PPP2R2C: variants seen among roughly 807,000 people sequenced by gnomAD.
PPP2R2C encodes protein phosphatase 2, regulatory subunit B, gamma.
Under a neutral mutation model 45.3 loss-of-function variants are expected in PPP2R2C, and 10 were observed. The ratio of observed to expected loss-of-function variants is 0.22; its 90% CI spans 0.14 to 0.37. PPP2R2C has a LOEUF of 0.37. Ranked by LOEUF, PPP2R2C falls within the 10% of genes least tolerant of loss-of-function variation. PPP2R2C has a pLI of 1.00. For missense variants in PPP2R2C, 308 were observed against 619.7 expected, an observed-to-expected ratio of 0.50 and a Z score of 5.34; for synonymous variants, 257 against 245.4, an observed-to-expected ratio of 1.05 and a Z score of -0.44.
At chr4:6,350,406 T>A in intron 5 of PPP2R2C, 3 of 985,382 alleles carry the variant, frequency 3.0e-6, no homozygotes, top group Non-Finnish European at 3.6e-6. Flanking sequence ...CCATGGATAA[T>A]GTGCAGTAGA....
chr4:6,493,628 G>A (rs1722781393), intron 2 of PPP2R2C, among the ~76,000 whole-genome samples: 1 of 151,494 alleles, frequency 6.6e-6, no homozygotes. Context: ...ATTTATGCCA[G>A]TGCCTTCCTG....
At chr4:6,427,274 G>C (rs1719381231) in intron 1 of PPP2R2C, among the ~76,000 whole-genome samples, 1 of 152,214 alleles carries the variant, frequency 6.6e-6, no homozygotes. Flanking sequence ...GGAGAATGAA[G>C]GACAGTTTAA....
chr4:6,449,341 G>C (rs10014119), intron 1 of PPP2R2C, among the ~76,000 whole-genome samples: 32,306 of 152,180 alleles, frequency 0.21, 3,618 homozygotes, highest in East Asian at 0.42. Flanking sequence ...GAGAACAGGC[G>C]CGTCTCTAAG....
chr4:6,534,379 A>G (rs1486471424), intron 2 of PPP2R2C, among the ~76,000 whole-genome samples: 1 of 147,240 alleles, frequency 6.8e-6, no homozygotes, highest in African/African-American at 2.5e-5. Context: ...AACACACACC[A>G]ACATACACAC....
chr4:6,406,251 G>A (rs1312067684), intron 1 of PPP2R2C, among the ~76,000 whole-genome samples: 2 of 152,192 alleles, frequency 1.3e-5, no homozygotes, highest in Non-Finnish European at 2.9e-5. Flanking sequence ...CAGCCAAAGG[G>A]ATCTAAACCC....
chr4:6,378,194 A>T lies in PPP2R2C; in HGVS notation c.334+213T>A, dbSNP rs1715496496. Among the ~76,000 whole-genome samples the T allele has an allele frequency of 6.6e-6, 1 of 151,242 alleles. No homozygotes were observed. The highest frequency in any genetic ancestry group is 6.6e-5 in the Admixed American group (1 of 15,238). On this transcript the variant is annotated intron_variant, in intron 3 of 8. Coordinates refer to ENST00000382599, the MANE Select transcript of PPP2R2C (RefSeq NM_020416.4). This position sits in a 1 kb window ranked among gnomAD's most constrained non-coding sequence, Gnocchi z 5.2. ...TCATGGGATTTACATGCTGCTCAAA[A>T]AGGGGGGCAGCCCTGTGTCCAGACA...
At chr4:6,402,685 C>A (rs780286985) in intron 1 of PPP2R2C, among the ~76,000 whole-genome samples, 1 of 152,116 alleles carries the variant, frequency 6.6e-6, no homozygotes, top group Non-Finnish European at 1.5e-5. Flanking sequence ...GCCAGGGCTG[C>A]GATGGAGGGA....
chr4:6,472,262 CG>C lies in PPP2R2C; in HGVS notation c.-34del. 2 of 1,611,436 alleles carry C rather than the reference CG, an allele frequency of 1.2e-6. No individual in the cohort carries two copies. Among genetic ancestry groups the C allele is most frequent in the Non-Finnish European group, 1.7e-6 (2 of 1,178,666 alleles). On this transcript the variant is annotated 5_prime_UTR_variant, in exon 1 of 9. Coordinates refer to ENST00000382599, the MANE Select transcript of PPP2R2C (RefSeq NM_020416.4). The stretch of plus-strand genomic sequence containing the variant: ...CGTGCCCGGTGCTCTGGGCATGCCC[CG>C]CCGCCACACACCGATGCAATCCGCA...
chr4:6,448,477 C>T (rs1033569005), intron 1 of PPP2R2C, among the ~76,000 whole-genome samples: 1 of 152,114 alleles, frequency 6.6e-6, no homozygotes, highest in African/African-American at 2.4e-5. Flanking sequence ...CAGAGAGTTC[C>T]AAGCGGCTCC....
At chr4:6,463,230 A>G (rs1256878520) in intron 1 of PPP2R2C, among the ~76,000 whole-genome samples, 2 of 152,180 alleles carry the variant, frequency 1.3e-5, no homozygotes, top group Non-Finnish European at 2.9e-5. Context: ...TCTCTGCTTC[A>G]TAGATGGGGA....
rs1711872399 is a variant in PPP2R2C, at chr4:6,345,975, C to A, written c.790+1871G>T. Among the ~76,000 whole-genome samples the A allele has an allele frequency of 6.6e-6, 1 of 152,172 alleles. No homozygotes were observed. Among genetic ancestry groups the A allele is most frequent in the African/African-American group, 2.4e-5 (1 of 41,442 alleles). The stretch of plus-strand genomic sequence containing the variant: ...CTCAGGCTCGCGGGTCTGAAACCTG[C>A]CTGCTGGTCCCTGGCACCCCCTGTT... On this transcript the variant is annotated intron_variant, in intron 6 of 8. Transcript: ENST00000382599. This position sits in a 1 kb window ranked among gnomAD's most constrained non-coding sequence, Gnocchi z 5.3.
At chr4:6,562,771 G>A (rs542837607) in intron 1 of PPP2R2C, among the ~76,000 whole-genome samples, 1 of 152,266 alleles carries the variant, frequency 6.6e-6, no homozygotes, top group Admixed American at 6.5e-5. Context: ...CCACCCGGCC[G>A]GTCAGGGCGA....
At chr4:6,528,526 T>C (rs1165367216) in intron 2 of PPP2R2C, among the ~76,000 whole-genome samples, 1 of 136,280 alleles carries the variant, frequency 7.3e-6, no homozygotes, top group Non-Finnish European at 1.6e-5. Context: ...CCCTGGCGTC[T>C]GAGAGCCAGT....
chr4:6,470,410 G>A (rs1340451510), intron 1 of PPP2R2C, among the ~76,000 whole-genome samples: 1 of 152,204 alleles, frequency 6.6e-6, no homozygotes, highest in Non-Finnish European at 1.5e-5. Flanking sequence ...GGACGGGCAG[G>A]GTGCAGAGGG....
intron 5 of PPP2R2C, among the ~76,000 whole-genome samples, chr4:6,359,179 G>C (rs368244840): frequency 1.1e-4 from 16 of 152,334 alleles, no homozygotes; most frequent in African/African-American, 3.6e-4. Context: ...AAAAGGATGA[G>C]TTCATGTCCT....
chr4:6,378,328 A>G lies in PPP2R2C; in HGVS notation c.334+79T>C, dbSNP rs1715510388. 5 of 1,599,882 alleles carry G rather than the reference A, an allele frequency of 3.1e-6. No homozygotes were observed. Among genetic ancestry groups the G allele is most frequent in the Admixed American group, 1.7e-5 (1 of 58,188 alleles). ...GAAGACATAGAAAAATGCTCACAATATAAGTGAAATACAAACCAGCATTTG... is the reference window on the plus strand; with the variant it reads ...GAAGACATAGAAAAATGCTCACAATGTAAGTGAAATACAAACCAGCATTTG... On this transcript the variant is annotated intron_variant, in intron 3 of 8. Coordinates refer to ENST00000382599, the MANE Select transcript of PPP2R2C (RefSeq NM_020416.4). The surrounding 1 kb of genome is among the most constrained non-coding windows in gnomAD (Gnocchi z 5.2).
chr4:6,556,047 G>A (rs755850777), intron 1 of PPP2R2C, among the ~76,000 whole-genome samples: 19 of 152,224 alleles, frequency 1.2e-4, no homozygotes, highest in Admixed American at 4.6e-4. Context: ...GCAGGCTAGC[G>A]TGTCTATCCT....
At chr4:6,427,170 G>A (rs553985256) in intron 1 of PPP2R2C, among the ~76,000 whole-genome samples, 6 of 152,342 alleles carry the variant, frequency 3.9e-5, no homozygotes, top group East Asian at 1.9e-4. Context: ...AGGCCAGGAC[G>A]AGCTGGGGGC....
intron 6 of PPP2R2C, among the ~76,000 whole-genome samples, chr4:6,340,199 G>A (rs1041438577): frequency 2.0e-5 from 3 of 152,106 alleles, no homozygotes; most frequent in East Asian, 1.9e-4. Context: ...CCCCAGGCCC[G>A]GCACGCTCTC....
Sources: allele counts gnomAD v4.1 joint callset (sites outside exome capture counted in the v4.1 genomes callset), GRCh38; gene constraint gnomAD v4.1.1; non-coding constraint Gnocchi (gnomAD v3.1); transcripts MANE v1.5; gene names NCBI Gene and HGNC (gene_info 2026-07-23, HGNC 2026-07-21).